RFFL: variants seen among roughly 807,000 people sequenced by gnomAD.
RFFL encodes E3 ubiquitin-protein ligase rififylin.
In RFFL, 16 loss-of-function variants were observed where a neutral mutation model predicts 40.4. That is an observed-to-expected ratio of 0.40 (90% CI 0.27 to 0.60). The LOEUF (loss-of-function observed/expected upper bound fraction) is 0.60. Ranked by LOEUF, RFFL falls within the 20% of genes least tolerant of loss-of-function variation. The pLI is 0.47. For missense variants in RFFL, 367 were observed against 451.7 expected (o/e 0.81, Z 1.70); for synonymous variants, 154 against 167.9 (o/e 0.92, Z 0.64).
intron 1 of RFFL, among the ~76,000 whole-genome samples, chr17:35,060,258 C>A (rs1037979662): frequency 6.6e-6 from 1 of 152,220 alleles, no homozygotes; most frequent in Non-Finnish European, 1.5e-5. Flanking sequence ...ACAACCAGGG[C>A]CTTCCCATAG....
chr17:35,085,071 G>A (rs1330867092), intron 1 of RFFL, among the ~76,000 whole-genome samples: 2 of 152,162 alleles, frequency 1.3e-5, no homozygotes, highest in Non-Finnish European at 2.9e-5. Flanking sequence ...AAAATCTCCA[G>A]GAAGTGGGGC....
chr17:35,009,500 A>C lies in RFFL; in HGVS notation c.*2468T>G, dbSNP rs1361767272. On this transcript the variant is annotated 3_prime_UTR_variant, in exon 7 of 7. Coordinates refer to ENST00000394597, the MANE Select transcript of RFFL (RefSeq NM_001017368.2). ...GAAGGGAGGATTCAAAGATTTAAAAAAAATCAAATTTTAGACCTTGGTTAA... is the reference window on the plus strand; with the variant it reads ...GAAGGGAGGATTCAAAGATTTAAAACAAATCAAATTTTAGACCTTGGTTAA... The C allele has an allele frequency of 6.6e-6, 1 of 152,214 alleles. No homozygotes were observed. The highest frequency in any genetic ancestry group is 1.5e-5 in the Non-Finnish European group (1 of 68,040). The allele number at this position is 152,214 out of a possible 1,614,324, so 9.4% of individuals were successfully genotyped here.
chr17:35,064,635 T>G (rs1348221571), upstream of RFFL, among the ~76,000 whole-genome samples: 2 of 152,152 alleles, frequency 1.3e-5, no homozygotes, highest in Admixed American at 1.3e-4. Context: ...TAGATCCTTC[T>G]GTTTCCTGCT....
chr17:35,065,325 G>A (rs2091314737), upstream of RFFL, among the ~76,000 whole-genome samples: 1 of 152,128 alleles, frequency 6.6e-6, no homozygotes, highest in Admixed American at 6.6e-5. Context: ...GAAGGCCGAG[G>A]TGGGCGGATC....
intron 1 of RFFL, among the ~76,000 whole-genome samples, chr17:35,034,611 C>T (rs765080081): frequency 7.9e-5 from 12 of 151,876 alleles, no homozygotes; most frequent in Non-Finnish European, 1.5e-4. Flanking sequence ...TCACTGCAAC[C>T]GCCACCTCCC....
Position 35,035,460 on chromosome 17 carries a change from G to C in RFFL, c.-8-8899C>G, listed in dbSNP as rs980582396. ...GCCACCCCACAGTCTCCAAGTTTAGGTGGAGAATGAAGTCTTATGCTAGGA... is the reference window on the plus strand; with the variant it reads ...GCCACCCCACAGTCTCCAAGTTTAGCTGGAGAATGAAGTCTTATGCTAGGA... On this transcript the variant is annotated intron_variant, in intron 1 of 6. Coordinates refer to ENST00000394597, the MANE Select transcript of RFFL (RefSeq NM_001017368.2). Among the ~76,000 whole-genome samples the C allele has an allele frequency of 1.3e-4, 20 of 151,750 alleles. 1 individual carries two copies. The highest frequency in any genetic ancestry group is 4.8e-4 in the African/African-American group (20 of 41,404).
Position 35,059,031 on chromosome 17 carries a change from T to C in RFFL, c.-9+4545A>G, listed in dbSNP as rs565282997. ...CTCGAGCTAGAATTTTTTTTTTTTT[T>C]TTTTTTTGAGACGGTCTCGCTCTGT... On this transcript the variant is annotated intron_variant, in intron 1 of 6. Transcript: ENST00000394597. Among the ~76,000 whole-genome samples the C allele has an allele frequency of 2.0e-5, 3 of 149,496 alleles. No individual in the cohort carries two copies. The South Asian group carries it at 6.4e-4, about 32-fold the overall frequency.
chr17:35,046,012 G>A (rs2091198073), intron 1 of RFFL, among the ~76,000 whole-genome samples: 1 of 143,852 alleles, frequency 7.0e-6, no homozygotes, highest in Non-Finnish European at 1.5e-5. Flanking sequence ...CTGACAGAGT[G>A]AGACTCTGTC....
chr17:35,011,376 T>C lies in RFFL; in HGVS notation c.*592A>G, dbSNP rs1248318440. The C allele has an allele frequency of 6.6e-6, 1 of 152,226 alleles. No homozygotes were observed. Among genetic ancestry groups the C allele is most frequent in the Non-Finnish European group, 1.5e-5 (1 of 68,050 alleles). The allele number at this position is 152,226 out of a possible 1,614,324, so 9.4% of individuals were successfully genotyped here. A position where few individuals can be genotyped will look rare whatever the true frequency, so the allele number is the denominator to read the frequency against. On this transcript the variant is annotated 3_prime_UTR_variant, in exon 7 of 7. Transcript: ENST00000394597. ...TTTTTCTATAGCATTTGTATTTCAT[T>C]TCTCACCAAAGATAAGTTTACTGGT...
intron 1 of RFFL, among the ~76,000 whole-genome samples, chr17:35,054,888 G>A (rs1211573226): frequency 1.3e-5 from 2 of 151,700 alleles, no homozygotes; most frequent in Non-Finnish European, 2.9e-5. Flanking sequence ...GACAGGCTTA[G>A]AGTAGGTGCT....
At chr17:35,055,934 A>G (rs768475483) in intron 1 of RFFL, among the ~76,000 whole-genome samples, 1 of 152,052 alleles carries the variant, frequency 6.6e-6, no homozygotes, top group Non-Finnish European at 1.5e-5. Flanking sequence ...AAATCAGCAT[A>G]ATACAGTTTT....
upstream of RFFL, among the ~76,000 whole-genome samples, chr17:35,065,558 C>CAAAA (rs947708350): frequency 2.0e-5 from 1 of 51,104 alleles, no homozygotes. Flanking sequence ...AACTTCGTCT[C>CAAAA]AAAAAAAAAA....
intron 1 of RFFL, among the ~76,000 whole-genome samples, chr17:35,062,178 G>A (rs1438765270): frequency 6.6e-6 from 1 of 151,810 alleles, no homozygotes; most frequent in East Asian, 2.0e-4. Flanking sequence ...GCCAAGGCAG[G>A]TGGACCATGA....
chr17:35,065,239 T>C (rs1351858712), upstream of RFFL, among the ~76,000 whole-genome samples: 2 of 151,718 alleles, frequency 1.3e-5, no homozygotes, highest in East Asian at 3.9e-4. Context: ...GAAAAGCTCC[T>C]GACCTGTTCT....
chr17:35,024,906 TTTGTAGCAAGAAAATA>T (rs1016647347), intron 2 of RFFL, among the ~76,000 whole-genome samples: 51 of 152,322 alleles, frequency 3.3e-4, no homozygotes, highest in Middle Eastern at 3.4e-3. Flanking sequence ...AACTCATACT[TTTGTAGCAAGAAAATA>T]TTGTAGCAAG....
intron 3 of RFFL, 51 bp downstream of exon 3, chr17:35,021,320 A>G (rs896152467): frequency 6.7e-7 from 1 of 1,489,938 alleles, no homozygotes; most frequent in Non-Finnish European, 9.0e-7. Context: ...GAAAATGAAA[A>G]TGAGCCCTCA....
rs141678131 is a variant in RFFL, at chr17:35,054,483, C to T, written c.-9+9093G>A. Among the ~76,000 whole-genome samples the T allele has an allele frequency of 3.5e-3, 526 of 152,102 alleles. 3 individuals carry two copies. The highest frequency in any genetic ancestry group is 0.012 in the African/African-American group (500 of 41,518). On this transcript the variant is annotated intron_variant, in intron 1 of 6. Coordinates refer to ENST00000394597, the MANE Select transcript of RFFL (RefSeq NM_001017368.2). ...AAAATCCAATCATTACACTTATGAA[C>T]AACAAAATAATCCCCTTTCTAATTT...
At chr17:35,022,898 G>A (rs527771739) in intron 2 of RFFL, among the ~76,000 whole-genome samples, 2 of 152,354 alleles carry the variant, frequency 1.3e-5, no homozygotes, top group Admixed American at 1.3e-4. Context: ...AGCGCCTGAT[G>A]GGCAAGCTGG....
chr17:35,041,531 C>A (rs1196154354), intron 1 of RFFL, among the ~76,000 whole-genome samples: 1 of 151,902 alleles, frequency 6.6e-6, no homozygotes, highest in Non-Finnish European at 1.5e-5. Context: ...TGCCGTGCTA[C>A]TTTTCTCACT....
Sources: allele counts gnomAD v4.1 joint callset (sites outside exome capture counted in the v4.1 genomes callset), GRCh38; gene constraint gnomAD v4.1.1; transcripts MANE v1.5; gene names NCBI Gene and HGNC (gene_info 2026-07-23, HGNC 2026-07-21).